Variants in PIAS1 observed in about 807,000 individuals in gnomAD.
PIAS1 encodes the protein E3 SUMO-protein ligase PIAS1.
A neutral mutation model predicts 71.3 loss-of-function variants in PIAS1; 6 were observed. The ratio of observed to expected loss-of-function variants is 0.08; its 90% CI spans 0.05 to 0.17. The LOEUF (loss-of-function observed/expected upper bound fraction) is 0.17, where lower values mean the gene tolerates loss of function less well. Among genes scored for constraint, PIAS1 ranks in the 10% least tolerant of loss-of-function variants. The pLI is 1.00. For missense variants in PIAS1, 555 were observed against 793.6 expected, an observed-to-expected ratio of 0.70 and a Z score of 3.61; for synonymous variants, 303 against 292.9, an observed-to-expected ratio of 1.03 and a Z score of -0.35.
intron 2 of PIAS1, among the ~76,000 whole-genome samples, chr15:68,103,909 A>AT (rs1197300018): frequency 1.3e-5 from 2 of 152,138 alleles, no homozygotes; most frequent in Non-Finnish European, 2.9e-5. Flanking sequence ...TTCGTGTATA[A>AT]TTTTTTGTGT....
intron 2 of PIAS1, among the ~76,000 whole-genome samples, chr15:68,103,810 T>C (rs1319667632): frequency 6.6e-6 from 1 of 152,246 alleles, no homozygotes. Flanking sequence ...CCAAGTAATA[T>C]TCCGTTATAT....
chr15:68,136,610 A>T (rs2141040513), intron 2 of PIAS1, among the ~76,000 whole-genome samples: 1 of 152,146 alleles, frequency 6.6e-6, no homozygotes, highest in Non-Finnish European at 1.5e-5. Flanking sequence ...GATTTTTAAA[A>T]TATGAACTAA....
rs1309005118 is a variant in PIAS1 at position 68,086,101 on chromosome 15, T to C, written c.25-205T>C. On this transcript the variant is annotated intron_variant, in intron 1 of 13. Transcript: ENST00000249636. This position sits in a 1 kb window ranked among gnomAD's most constrained non-coding sequence, Gnocchi z 7.2. ...TCTTATAACCAAGGGTAGAAGTCAA[T>C]GAATTTATGAATATTAATTTTAAAT... is the stretch of plus-strand genomic sequence containing the variant. Among the ~76,000 whole-genome samples, 3 of 152,208 alleles carry C rather than the reference T, an allele frequency of 2.0e-5. No individual in the cohort carries two copies. Among genetic ancestry groups the C allele is most frequent in the African/African-American group, 7.2e-5 (3 of 41,452 alleles).
At chr15:68,062,187 T>A (rs2091967080) in intron 1 of PIAS1, among the ~76,000 whole-genome samples, 2 of 152,216 alleles carry the variant, frequency 1.3e-5, no homozygotes, top group South Asian at 4.1e-4. Flanking sequence ...AGATTTACCT[T>A]TTACATTATT....
intron 8 of PIAS1, among the ~76,000 whole-genome samples, chr15:68,166,932 G>A (rs1050421681): frequency 1.3e-5 from 2 of 151,998 alleles, no homozygotes; most frequent in African/African-American, 2.4e-5. Flanking sequence ...TTCATGCAGT[G>A]CTCCTGCTTC....
At chr15:68,138,469 T>C (rs1400511333) in intron 2 of PIAS1, among the ~76,000 whole-genome samples, 1 of 152,118 alleles carries the variant, frequency 6.6e-6, no homozygotes, top group Non-Finnish European at 1.5e-5. Context: ...TCACTTTATT[T>C]ATTTATTTAT....
intron 2 of PIAS1, among the ~76,000 whole-genome samples, chr15:68,128,141 C>T (rs1428824083): frequency 6.6e-6 from 1 of 152,024 alleles, no homozygotes; most frequent in Non-Finnish European, 1.5e-5. Flanking sequence ...TATGGCTGCC[C>T]ATTTAGAATC....
chr15:68,169,477 C>T (rs771919432), intron 8 of PIAS1, among the ~76,000 whole-genome samples: 6 of 152,140 alleles, frequency 3.9e-5, no homozygotes, highest in South Asian at 2.1e-4. Flanking sequence ...AGTTTGAGAC[C>T]GGTGTGGCCA....
chr15:68,065,736 CTTTTTTT>C (rs35947814), intron 1 of PIAS1, among the ~76,000 whole-genome samples: 2 of 99,570 alleles, frequency 2.0e-5, no homozygotes, highest in East Asian at 2.4e-4. Flanking sequence ...GCTTGAAGTA[CTTTTTTT>C]TTTTTTTTTT....
chr15:68,132,777 C>T (rs1206011555), intron 2 of PIAS1, among the ~76,000 whole-genome samples: 3 of 151,964 alleles, frequency 2.0e-5, no homozygotes, highest in African/African-American at 7.3e-5. Context: ...TGAATAACAA[C>T]CAAAGTGAGA....
chr15:68,112,663 A>G (rs879488818), intron 2 of PIAS1, among the ~76,000 whole-genome samples: 27 of 152,224 alleles, frequency 1.8e-4, no homozygotes, highest in Admixed American at 4.6e-4. Flanking sequence ...AGTCAAAGAA[A>G]TGCAAATTTA....
chr15:68,115,641 C>T (rs1311520487), intron 2 of PIAS1, among the ~76,000 whole-genome samples: 2 of 152,026 alleles, frequency 1.3e-5, no homozygotes, highest in East Asian at 3.9e-4. Flanking sequence ...AACATTGATT[C>T]TTTCACGTCT....
chr15:68,104,822 A>T (rs1381088704), intron 2 of PIAS1, among the ~76,000 whole-genome samples: 2 of 152,220 alleles, frequency 1.3e-5, no homozygotes, highest in African/African-American at 4.8e-5. Context: ...GCAATTATGT[A>T]ACAAAGTTTA....
At chr15:68,169,416 A>G (rs575446330) in intron 8 of PIAS1, among the ~76,000 whole-genome samples, 29 of 152,304 alleles carry the variant, frequency 1.9e-4, no homozygotes, top group Non-Finnish European at 3.4e-4. Context: ...GCTCACGCCT[A>G]TAATGCCAGC....
intron 6 of PIAS1, among the ~76,000 whole-genome samples, chr15:68,148,573 C>T (rs961429161): frequency 2.0e-5 from 3 of 152,036 alleles, no homozygotes; most frequent in Non-Finnish European, 4.4e-5. Context: ...GGATTACAGG[C>T]ACCTGCCACT....
At chr15:68,120,945 A>G (rs1420362612) in intron 2 of PIAS1, among the ~76,000 whole-genome samples, 1 of 152,190 alleles carries the variant, frequency 6.6e-6, no homozygotes, top group Admixed American at 6.5e-5. Flanking sequence ...CTACTTCTAT[A>G]AAAGTTTTAA....
chr15:68,135,196 AC>A (rs1233698654), intron 2 of PIAS1, among the ~76,000 whole-genome samples: 2 of 28,582 alleles, frequency 7.0e-5, no homozygotes, highest in Admixed American at 2.6e-4. Context: ...CGGGGGGCTG[AC>A]CCCCCCACCT....
At chr15:68,146,416 CAAG>C in intron 5 of PIAS1, 147 bp from the exon 6 acceptor site, 1 of 629,282 alleles carries the variant, frequency 1.6e-6, no homozygotes. Context: ...AATAATAACA[CAAG>C]AAACTTGTAA....
intron 2 of PIAS1, among the ~76,000 whole-genome samples, chr15:68,100,098 G>GA (rs56224845): frequency 0.024 from 3,294 of 138,756 alleles, 62 homozygotes; most frequent in African/African-American, 0.047. Context: ...ATTTCTTCGG[G>GA]AAAAAAAAAA....
Sources: allele counts gnomAD v4.1 joint callset (sites outside exome capture counted in the v4.1 genomes callset), GRCh38; gene constraint gnomAD v4.1.1; non-coding constraint Gnocchi (gnomAD v3.1); transcripts MANE v1.5; gene names NCBI Gene and HGNC (gene_info 2026-07-23, HGNC 2026-07-21).